The following ABR variants were observed in gnomAD, a reference collection of about 807,000 sequenced individuals.
ABR encodes ABR activator of RhoGEF and GTPase, also known as active breakpoint cluster region-related protein.
ABR carries 35 observed loss-of-function variants against 107.2 expected under a neutral mutation model. That is an observed-to-expected ratio of 0.33 (90% CI 0.25 to 0.43). ABR has a LOEUF of 0.43. ABR is among the 20% of genes least tolerant of loss of function. ABR has a pLI of 1.00. For missense variants in ABR, 815 were observed against 1,115.2 expected (o/e 0.73, Z 3.83); for synonymous variants, 498 against 462.0 (o/e 1.08, Z -1.00).
intron 1 of ABR, among the ~76,000 whole-genome samples, chr17:1,138,935 T>C (rs1257787390): frequency 6.6e-6 from 1 of 152,194 alleles, no homozygotes; most frequent in Non-Finnish European, 1.5e-5. Flanking sequence ...AAAGACAGAA[T>C]GGGGTTTTTA....
intron 1 of ABR, among the ~76,000 whole-genome samples, chr17:1,196,122 C>G (rs1326841459): frequency 8.0e-6 from 1 of 124,708 alleles, no homozygotes; most frequent in Non-Finnish European, 1.6e-5. Flanking sequence ...GAGCGAGATT[C>G]TGTCTCAAAA....
At chr17:1,058,707 G>A (rs900681241) in intron 11 of ABR, 38 bp downstream of exon 11, 1 of 1,610,094 alleles carries the variant, frequency 6.2e-7, no homozygotes, top group East Asian at 2.2e-5. Context: ...CTGGACTAAG[G>A]AAGGGGCTGT....
intron 1 of ABR, among the ~76,000 whole-genome samples, chr17:1,170,030 T>C (rs1236641771): frequency 2.0e-5 from 3 of 151,324 alleles, no homozygotes; most frequent in Admixed American, 6.6e-5. Flanking sequence ...TGTTTGTGTA[T>C]GTTAACAATC....
At chr17:1,066,886 G>A (rs1419047275) in intron 10 of ABR, among the ~76,000 whole-genome samples, 191 bp downstream of exon 10, 1 of 152,042 alleles carries the variant, frequency 6.6e-6, no homozygotes, top group African/African-American at 2.4e-5. Context: ...CACTTCCCAT[G>A]TTAGCCCTAT....
chr17:1,218,130 G>A (rs528603431), intron 1 of ABR, among the ~76,000 whole-genome samples: 2 of 152,298 alleles, frequency 1.3e-5, no homozygotes, highest in South Asian at 2.1e-4. Flanking sequence ...CATTTATACG[G>A]AGCTCACCAC....
intron 16 of ABR, among the ~76,000 whole-genome samples, chr17:1,041,369 C>T (rs1196853520): frequency 6.6e-6 from 1 of 152,240 alleles, no homozygotes; most frequent in Non-Finnish European, 1.5e-5. Context: ...CACCGACTGG[C>T]TCTTCCAGGT....
At chr17:1,006,580 G>A (rs1326471885) in intron 22 of ABR, among the ~76,000 whole-genome samples, 2 of 152,200 alleles carry the variant, frequency 1.3e-5, no homozygotes, top group Admixed American at 1.3e-4. Flanking sequence ...CTGGGCCCTG[G>A]TCTAGGCTCA....
chr17:1,058,534 G>A (rs1017807195), intron 11 of ABR, among the ~76,000 whole-genome samples: 1 of 152,190 alleles, frequency 6.6e-6, no homozygotes, highest in Non-Finnish European at 1.5e-5. Context: ...GGAAGCCAAG[G>A]TGACAGGAGC....
intron 1 of ABR, among the ~76,000 whole-genome samples, chr17:1,162,390 C>T (rs1014491582): frequency 6.6e-6 from 1 of 152,200 alleles, no homozygotes; most frequent in African/African-American, 2.4e-5. Flanking sequence ...TCCGGATCCC[C>T]TCTCCCTGCT....
chr17:1,066,029 T>A (rs1054100163), intron 10 of ABR, among the ~76,000 whole-genome samples: 3 of 151,876 alleles, frequency 2.0e-5, no homozygotes, highest in Non-Finnish European at 2.9e-5. Context: ...ACAGGCATGA[T>A]CCACCACGCC....
chr17:1,101,935 G>T (rs140447913), intron 2 of ABR, among the ~76,000 whole-genome samples: 1 of 151,908 alleles, frequency 6.6e-6, no homozygotes, highest in Admixed American at 6.6e-5. Context: ...GGATTTCACC[G>T]TGTTAGCCAG....
At chr17:1,180,136 C>A (rs1262306829), upstream of ABR, among the ~76,000 whole-genome samples, 20 of 148,016 alleles carry the variant, frequency 1.4e-4, no homozygotes, top group South Asian at 2.2e-4. Context: ...AAGGGGGCAG[C>A]GGGGCTCCGG....
intron 1 of ABR, among the ~76,000 whole-genome samples, chr17:1,141,599 C>T (rs1340869522): frequency 6.6e-6 from 1 of 152,188 alleles, no homozygotes; most frequent in Non-Finnish European, 1.5e-5. Context: ...GCTCTCCTTC[C>T]TGAGTACCAA....
At chr17:1,139,037 G>A (rs545330337) in intron 1 of ABR, among the ~76,000 whole-genome samples, 19 of 152,284 alleles carry the variant, frequency 1.2e-4, no homozygotes, top group Non-Finnish European at 2.6e-4. Context: ...AACAAGGACT[G>A]GCTAAATCCA....
upstream of ABR, among the ~76,000 whole-genome samples, chr17:1,181,670 C>T (rs530599841): frequency 2.0e-5 from 3 of 152,288 alleles, no homozygotes; most frequent in East Asian, 3.9e-4. Context: ...CTCGGAGGAC[C>T]GCGAGGCCGG....
At chr17:1,153,706 GGTCCAGGC>G (rs2040916690) in intron 1 of ABR, 2 of 131,506 alleles carry the variant, frequency 1.5e-5, no homozygotes, top group Non-Finnish European at 3.1e-5. Context: ...GAGGGCTGGG[GGTCCAGGC>G]ACACCTACGG....
rs2035198763 is a variant in ABR, at chr17:1,071,078, G to T, written c.895-988C>A. 6.6e-6 allele frequency among the ~76,000 whole-genome samples: 1 copy of T among 152,096 alleles called. No homozygotes were observed. The highest frequency in any genetic ancestry group is 1.5e-5 in the Non-Finnish European group (1 of 68,010). On this transcript the variant is annotated intron_variant, in intron 8 of 22. Coordinates refer to ENST00000302538, the MANE Select transcript of ABR (RefSeq NM_021962.5). The surrounding 1 kb of genome is among the most constrained non-coding windows in gnomAD (Gnocchi z 5.1). ...CTTGGGAGGATGAGGCAGGAGAATT[G>T]CTTGAACCCAGAGGGTGGAGGCTGC...
At chr17:1,064,245 T>C (rs376518299) in intron 10 of ABR, among the ~76,000 whole-genome samples, 27 of 58,310 alleles carry the variant, frequency 4.6e-4, no homozygotes, top group East Asian at 1.5e-3. Flanking sequence ...GCTGCTGTTA[T>C]GTAAACTGAG....
chr17:1,062,599 G>T (rs1445198272), intron 10 of ABR, among the ~76,000 whole-genome samples: 1 of 139,880 alleles, frequency 7.1e-6, no homozygotes, highest in East Asian at 2.1e-4. Flanking sequence ...TGAGGGTTAT[G>T]CATGTTCCTC....
Sources: allele counts gnomAD v4.1 joint callset (sites outside exome capture counted in the v4.1 genomes callset), GRCh38; gene constraint gnomAD v4.1.1; non-coding constraint Gnocchi (gnomAD v3.1); transcripts MANE v1.5; gene names NCBI Gene and HGNC (gene_info 2026-07-23, HGNC 2026-07-21).